GBP2: variants seen among roughly 807,000 people sequenced by gnomAD.
GBP2 encodes guanylate binding protein 2, also known as guanylate-binding protein 2.
In GBP2, 54 loss-of-function variants were observed where a neutral mutation model predicts 60.8. The ratio of observed to expected loss-of-function variants is 0.89; its 90% CI spans 0.71 to 1.11. The LOEUF (loss-of-function observed/expected upper bound fraction) is 1.11. Ranked by LOEUF, GBP2 falls within the 50% of genes most tolerant of loss-of-function variation. The probability of loss-of-function intolerance (pLI) is 0.00; values close to 1 mark genes in which losing one functional copy is unlikely to be tolerated. For synonymous variants in GBP2, 243 were observed against 256.5 expected (o/e 0.95, Z 0.50); for missense variants, 665 against 703.3 (o/e 0.95, Z 0.62).
At chr1:89,120,960 A>T (rs1255902015) in intron 3 of GBP2, among the ~76,000 whole-genome samples, 183 bp downstream of exon 3, 1 of 152,146 alleles carries the variant, frequency 6.6e-6, no homozygotes, top group East Asian at 1.9e-4. Context: ...AATCAATTGA[A>T]CTTATTGTGT....
chr1:89,110,253 A>AG lies in GBP2; in HGVS notation c.1375dup (p.Leu459ProfsTer13), dbSNP rs1681136750. 1.2e-6 allele frequency: 2 copies of AG among 1,613,194 alleles called. No individual in the cohort carries two copies. The highest frequency in any genetic ancestry group is 2.7e-5 in the African/African-American group (2 of 74,870). ...CTCCTTGGACTCCAAATATTTTTTC[A>AG]GCACCTCTTTGGCCTGGTTATACAG... On this transcript the variant is annotated frameshift_variant, in exon 9 of 11. Transcript: ENST00000370466. LOFTEE classifies it high-confidence loss of function.
chr1:89,112,145 G>T (rs970132577), intron 8 of GBP2, among the ~76,000 whole-genome samples: 2 of 152,110 alleles, frequency 1.3e-5, no homozygotes, highest in African/African-American at 4.8e-5. Flanking sequence ...TACTTTGACA[G>T]AGCTTGAACT....
chr1:89,112,414 G>C (rs12068052), intron 8 of GBP2, 58 bp downstream of exon 8: 1 of 1,434,126 alleles, frequency 7.0e-7, no homozygotes. Flanking sequence ...CTTCCCAGTG[G>C]GCTTTAAAAG....
intron 6 of GBP2, 135 bp downstream of exon 6, chr1:89,116,857 T>C: frequency 1.2e-6 from 1 of 813,950 alleles, no homozygotes; most frequent in Non-Finnish European, 2.0e-6. Flanking sequence ...TATAATATGA[T>C]TTTCATGTTG....
chr1:89,113,036 C>T (rs1433326207), intron 7 of GBP2: 1 of 300,164 alleles, frequency 3.3e-6, no homozygotes, highest in Non-Finnish European at 6.4e-6. Flanking sequence ...CCTGGAGTTC[C>T]CGGATACACT....
chr1:89,108,922 T>G (rs1352118298), intron 10 of GBP2, among the ~76,000 whole-genome samples: 1 of 150,504 alleles, frequency 6.6e-6, no homozygotes, highest in Non-Finnish European at 1.5e-5. Context: ...TGAGATGGAA[T>G]TTGACTCTTG....
intron 6 of GBP2, among the ~76,000 whole-genome samples, chr1:89,115,257 C>T (rs970837695): frequency 1.3e-5 from 2 of 152,246 alleles, no homozygotes; most frequent in Non-Finnish European, 2.9e-5. Flanking sequence ...AAAGTATGTT[C>T]GGATCTTGTC....
At chr1:89,108,866 G>C (rs1681103104) in intron 10 of GBP2, among the ~76,000 whole-genome samples, 1 of 151,178 alleles carries the variant, frequency 6.6e-6, no homozygotes, top group South Asian at 2.1e-4. Flanking sequence ...CTTAACCAGT[G>C]TGCTTAAGTG....
Position 89,106,164 on chromosome 1 carries a change from A to G in GBP2, c.*2011T>C, listed in dbSNP as rs554907885. The G allele has an allele frequency of 6.6e-6, 1 of 152,258 alleles. No homozygotes were observed. The highest frequency in any genetic ancestry group is 2.1e-4 in the South Asian group (1 of 4,828). 9.4% of individuals were successfully genotyped at this position (152,258 alleles called of 1,614,324 possible). On this transcript the variant is annotated 3_prime_UTR_variant, in exon 11 of 11. Transcript: ENST00000370466. Reference sequence around the variant, plus strand: ...CAAATGTTATTTTTTTTTTTAGAAAAAGAGACTATTCATTTATCTGAGAGT... The same window carrying G: ...CAAATGTTATTTTTTTTTTTAGAAAGAGAGACTATTCATTTATCTGAGAGT...
rs749592312 is a variant in GBP2, at chr1:89,108,804, C to T, written c.1660-513G>A. 1.2e-4 allele frequency among the ~76,000 whole-genome samples: 18 copies of T among 151,926 alleles called. 1 individual carries two copies. The highest frequency in any genetic ancestry group is 6.2e-4 in the South Asian group (3 of 4,810). ...GGCCCATAGGCTATTTCTGGGCAAACGTAAATGTGGAAAAGAGCCCAGAGA... is the reference window on the plus strand; with the variant it reads ...GGCCCATAGGCTATTTCTGGGCAAATGTAAATGTGGAAAAGAGCCCAGAGA... On this transcript the variant is annotated intron_variant, in intron 10 of 10. Coordinates refer to ENST00000370466, the MANE Select transcript of GBP2 (RefSeq NM_004120.5).
At chr1:89,111,780 C>T (rs1478502112) in intron 8 of GBP2, among the ~76,000 whole-genome samples, 1 of 152,068 alleles carries the variant, frequency 6.6e-6, no homozygotes, top group Non-Finnish European at 1.5e-5. Flanking sequence ...TAATTGTACA[C>T]TTTAAGATAA....
chr1:89,109,585 A>G, intron 10 of GBP2, 92 bp downstream of exon 10: 2 of 1,112,908 alleles, frequency 1.8e-6, no homozygotes, highest in East Asian at 2.4e-5. Context: ...TGGGCTAGAA[A>G]GTTTTTTTGG....
chr1:89,112,953 C>T (rs543972560), intron 7 of GBP2: 37 of 456,302 alleles, frequency 8.1e-5, no homozygotes, highest in East Asian at 2.5e-4. Flanking sequence ...CTATTTCATA[C>T]GAAACTTTTA....
rs1041706250 is a variant in GBP2, at chr1:89,118,118, G to A, written c.429-345C>T. On this transcript the variant is annotated intron_variant, in intron 4 of 10. Coordinates refer to ENST00000370466, the MANE Select transcript of GBP2 (RefSeq NM_004120.5). The stretch of plus-strand genomic sequence containing the variant: ...ACGAACTGGGCAACTAGCTCCTAAT[G>A]TATTTTTAGAAACTAGCAACCAATA... 1.8e-5 allele frequency: 3 copies of A among 167,394 alleles called. No individual in the cohort carries two copies. The Admixed American group carries it at 1.9e-4, about 10-fold the overall frequency. 10.4% of individuals were successfully genotyped at this position (167,394 alleles called of 1,614,324 possible). A position where few individuals can be genotyped will look rare whatever the true frequency, so the allele number is the denominator to read the frequency against.
chr1:89,109,559 A>G (rs1681120593), intron 10 of GBP2, 118 bp downstream of exon 10: 2 of 743,534 alleles, frequency 2.7e-6, no homozygotes, highest in Non-Finnish European at 4.4e-6. Flanking sequence ...TAGGGAAGGA[A>G]AAATGTAGTA....
chr1:89,120,099 T>G, intron 4 of GBP2, 80 bp downstream of exon 4: 1 of 950,098 alleles, frequency 1.1e-6, no homozygotes, highest in Non-Finnish European at 1.7e-6. Flanking sequence ...AGTACCTGTC[T>G]GTCTGCCTCT....
At chr1:89,118,023 T>C (rs1032354346) in intron 4 of GBP2, 1 of 306,988 alleles carries the variant, frequency 3.3e-6, no homozygotes, top group African/African-American at 2.2e-5. Flanking sequence ...ATTCTAATGA[T>C]GGAGACAAAC....
intron 8 of GBP2, among the ~76,000 whole-genome samples, chr1:89,112,019 T>C (rs1465465838): frequency 6.6e-6 from 1 of 152,264 alleles, no homozygotes; most frequent in East Asian, 1.9e-4. Context: ...AGAATTGCTC[T>C]GAGTATTAAA....
chr1:89,123,362 C>T (rs1681450628), intron 1 of GBP2, among the ~76,000 whole-genome samples: 1 of 152,084 alleles, frequency 6.6e-6, no homozygotes, highest in African/African-American at 2.4e-5. Flanking sequence ...ACATTTATTT[C>T]TCGTCTATCT....
Sources: gnomAD v4.1 joint callset for allele counts (sites outside exome capture counted in the v4.1 genomes callset) on GRCh38, gnomAD v4.1.1 for gene constraint, MANE v1.5 for transcripts, NCBI Gene and HGNC (gene_info 2026-07-23, HGNC 2026-07-21) for gene names.